AOX1: variants seen among roughly 807,000 people sequenced by gnomAD.
AOX1 encodes the protein aldehyde oxidase 1, also known as aldehyde oxidase.
In AOX1, 153 loss-of-function variants were observed where a neutral mutation model predicts 169.5. That is an observed-to-expected ratio of 0.90 (90% CI 0.79 to 1.03). The LOEUF is 1.03. AOX1 is among the 50% of genes least tolerant of loss of function. The pLI is 0.00. For missense variants in AOX1, 1,656 were observed against 1,663.9 expected (o/e 1.00, Z 0.08); for synonymous variants, 562 against 581.9 (o/e 0.97, Z 0.49).
Position 200,642,899 on chromosome 2 carries a change from G to A in AOX1, c.2847+98G>A, listed in dbSNP as rs181679795. 3.2e-4 allele frequency: 392 copies of A among 1,227,296 alleles called. 1 individual carries two copies. In the African/African-American group the frequency reaches 4.7e-3, roughly 15 times the overall value. 76.0% of individuals were successfully genotyped at this position (1,227,296 alleles called of 1,614,324 possible). A position where few individuals can be genotyped will look rare whatever the true frequency, so the allele number is the denominator to read the frequency against. ...GGTTGAGGAATTTGAGACCCAGAGG[G>A]GCAAATGATTTGTGCCAAGTCCCCC... On this transcript the variant is annotated intron_variant, in intron 25 of 34. Transcript: ENST00000374700.
intron 26 of AOX1, 98 bp downstream of exon 26, chr2:200,651,299 T>G: frequency 1.0e-6 from 1 of 1,000,282 alleles, no homozygotes; most frequent in Admixed American, 2.1e-5. Context: ...ATTAGCCATA[T>G]GGTTGCAATG....
At chr2:200,653,812 T>G (rs1042006060) in intron 26 of AOX1, among the ~76,000 whole-genome samples, 2 of 152,266 alleles carry the variant, frequency 1.3e-5, no homozygotes, top group African/African-American at 4.8e-5. Flanking sequence ...GCTCACTCTT[T>G]GTCACCTTTT....
intron 1 of AOX1, among the ~76,000 whole-genome samples, chr2:200,591,868 A>C (rs1173376106): frequency 6.6e-6 from 1 of 152,130 alleles, no homozygotes; most frequent in Non-Finnish European, 1.5e-5. Context: ...TTCAGACAAT[A>C]GGTGATATGG....
chr2:200,623,343 G>A (rs560403362), intron 18 of AOX1, among the ~76,000 whole-genome samples: 3 of 152,348 alleles, frequency 2.0e-5, no homozygotes, highest in Admixed American at 6.5e-5. Context: ...GCTTGGTCAC[G>A]TCTTGGCTAG....
At chr2:200,655,743 TAAAG>T (rs1429747475) in intron 26 of AOX1, among the ~76,000 whole-genome samples, 3 of 152,060 alleles carry the variant, frequency 2.0e-5, no homozygotes, top group Non-Finnish European at 4.4e-5. Flanking sequence ...TGGATACAAA[TAAAG>T]AGACAGTTCT....
At chr2:200,641,881 AC>A (rs1279545928) in intron 24 of AOX1, among the ~76,000 whole-genome samples, 1 of 152,016 alleles carries the variant, frequency 6.6e-6, no homozygotes, top group African/African-American at 2.4e-5. Context: ...AGTGGCTCAC[AC>A]CTGTAATCCC....
Position 200,622,720 on chromosome 2 carries a change from A to G in AOX1, c.2002-1141A>G, listed in dbSNP as rs532491787. 1.4e-3 allele frequency among the ~76,000 whole-genome samples: 208 copies of G among 152,312 alleles called. 5 individuals are homozygous for G. In the South Asian group the frequency reaches 0.041, roughly 30 times the overall value. On this transcript the variant is annotated intron_variant, in intron 18 of 34. Transcript: ENST00000374700. ...CATAAGCATCTCAGGGGCCACATCT[A>G]TGTGCCAGGTCACAGGAGCAAAATC... is the stretch of plus-strand genomic sequence containing the variant.
chr2:200,668,878 C>T (rs1022240078), intron 33 of AOX1, 75 bp downstream of exon 33: 1 of 1,307,664 alleles, frequency 7.6e-7, no homozygotes, highest in African/African-American at 1.5e-5. Flanking sequence ...ACATTCCTCT[C>T]TTGGCTGTTT....
intron 19 of AOX1, among the ~76,000 whole-genome samples, chr2:200,624,746 T>C (rs2034966679): frequency 6.6e-6 from 1 of 152,222 alleles, no homozygotes; most frequent in Non-Finnish European, 1.5e-5. Flanking sequence ...GCTATAAGAC[T>C]CATCTCCATG....
intron 20 of AOX1, among the ~76,000 whole-genome samples, chr2:200,629,990 A>G (rs560958281): frequency 6.6e-6 from 1 of 152,204 alleles, no homozygotes; most frequent in Non-Finnish European, 1.5e-5. Context: ...CACGTCTATA[A>G]TCCCAGCACT....
intron 27 of AOX1, 78 bp from the exon 28 acceptor site, chr2:200,659,087 A>G: frequency 7.0e-7 from 1 of 1,427,100 alleles, no homozygotes; most frequent in Admixed American, 1.8e-5. Flanking sequence ...GGTATCACAC[A>G]TGTGTTACCA....
chr2:200,642,425 T>G (rs776380506), intron 24 of AOX1, among the ~76,000 whole-genome samples, 185 bp from the exon 25 acceptor site: 1 of 151,664 alleles, frequency 6.6e-6, no homozygotes, highest in Admixed American at 6.6e-5. Flanking sequence ...AAAGGAAAAA[T>G]TATTCTAATA....
intron 9 of AOX1, 24 bp from the exon 10 acceptor site, chr2:200,605,512 T>C: frequency 7.3e-6 from 1 of 136,944 alleles, no homozygotes; most frequent in Admixed American, 3.0e-4. Flanking sequence ...TCTTATTGAT[T>C]TTTTTTTTTT....
chr2:200,625,713 A>C (rs930834386), intron 19 of AOX1, among the ~76,000 whole-genome samples: 1 of 152,234 alleles, frequency 6.6e-6, no homozygotes, highest in African/African-American at 2.4e-5. Flanking sequence ...CAGCCAGTGA[A>C]GTTGAAAAAG....
At chr2:200,654,143 A>G (rs917744862) in intron 26 of AOX1, among the ~76,000 whole-genome samples, 1 of 149,822 alleles carries the variant, frequency 6.7e-6, no homozygotes, top group African/African-American at 2.5e-5. Context: ...AAATGCTAGA[A>G]ATGATTAAGC....
At chr2:200,605,496 T>C in intron 9 of AOX1, 40 bp from the exon 10 acceptor site, 1 of 1,086,018 alleles carries the variant, frequency 9.2e-7, no homozygotes, top group South Asian at 1.7e-5. Context: ...AGTTCCTTTA[T>C]TCTAGTCTTA....
intron 25 of AOX1, among the ~76,000 whole-genome samples, chr2:200,648,942 C>G (rs1354855528): frequency 6.6e-6 from 1 of 151,966 alleles, no homozygotes; most frequent in African/African-American, 2.4e-5. Flanking sequence ...CAATGTGTAC[C>G]CCCCAACAGC....
intron 1 of AOX1, among the ~76,000 whole-genome samples, chr2:200,590,961 G>A (rs895456314): frequency 1.1e-4 from 17 of 152,068 alleles, no homozygotes; most frequent in Admixed American, 4.6e-4. Context: ...TCCAAGTAGC[G>A]GGAAGGAAGG....
chr2:200,670,023 C>T (rs1035851820), intron 34 of AOX1, among the ~76,000 whole-genome samples: 1 of 151,986 alleles, frequency 6.6e-6, no homozygotes, highest in Non-Finnish European at 1.5e-5. Context: ...CTGTTTTGCT[C>T]CCTTCCTAGG....
Sources: allele counts gnomAD v4.1 joint callset (sites outside exome capture counted in the v4.1 genomes callset), GRCh38; gene constraint gnomAD v4.1.1; transcripts MANE v1.5; gene names NCBI Gene and HGNC (gene_info 2026-07-23, HGNC 2026-07-21).